The following LYPD6 variants were observed in gnomAD, a reference collection of about 807,000 sequenced individuals.
The protein encoded by LYPD6 is ly6/PLAUR domain-containing protein 6.
LYPD6 carries 15 observed loss-of-function variants against 22.7 expected under a neutral mutation model. The observed-to-expected ratio is 0.66, with a 90% CI of 0.44 to 1.02. The LOEUF (loss-of-function observed/expected upper bound fraction) is 1.02, where lower values mean the gene tolerates loss of function less well. Among genes scored for constraint, LYPD6 ranks in the 50% least tolerant of loss-of-function variants. The probability of loss-of-function intolerance (pLI) is 0.00; values close to 1 mark genes in which losing one functional copy is unlikely to be tolerated. For missense variants in LYPD6, 189 were observed against 208.4 expected, an observed-to-expected ratio of 0.91 and a Z score of 0.57; for synonymous variants, 72 against 77.5, an observed-to-expected ratio of 0.93 and a Z score of 0.37.
intron 3 of LYPD6, among the ~76,000 whole-genome samples, chr2:149,467,303 G>A (rs568718868): frequency 6.6e-6 from 1 of 152,146 alleles, no homozygotes; most frequent in Non-Finnish European, 1.5e-5. Context: ...TTAGGGGAGG[G>A]TGTTGCCACA....
chr2:149,357,785 CTTTT>C (rs530498136), intron 1 of LYPD6, among the ~76,000 whole-genome samples: 1 of 127,422 alleles, frequency 7.8e-6, no homozygotes, highest in Non-Finnish European at 1.7e-5. Context: ...CTTTTCTTTG[CTTTT>C]TTTTTTTTTT....
intron 1 of LYPD6, among the ~76,000 whole-genome samples, chr2:149,403,796 A>G (rs1367920467): frequency 6.6e-6 from 1 of 152,046 alleles, no homozygotes; most frequent in Non-Finnish European, 1.5e-5. Context: ...TTTAGACATG[A>G]AGTCCTTGCC....
the LYPD6 span, among the ~76,000 whole-genome samples, chr2:149,479,366 G>C: frequency 6.6e-6 from 1 of 152,052 alleles, no homozygotes; most frequent in Non-Finnish European, 1.5e-5. Flanking sequence ...CCAGCCATTT[G>C]TCAGTGGCTG....
chr2:149,464,888 C>T (rs1681167175), intron 3 of LYPD6, among the ~76,000 whole-genome samples: 1 of 152,084 alleles, frequency 6.6e-6, no homozygotes, highest in Non-Finnish European at 1.5e-5. Flanking sequence ...GCTGGAGGTA[C>T]AATATCCCAG....
the LYPD6 span, among the ~76,000 whole-genome samples, chr2:149,483,291 G>A: frequency 1.3e-5 from 2 of 152,212 alleles, no homozygotes; most frequent in Non-Finnish European, 2.9e-5. Flanking sequence ...CAGGAGTTGT[G>A]GGCTGCATAT....
chr2:149,426,110 G>A (rs1270330990), intron 1 of LYPD6, among the ~76,000 whole-genome samples: 2 of 152,204 alleles, frequency 1.3e-5, no homozygotes, highest in African/African-American at 2.4e-5. Flanking sequence ...CTAAGTCATT[G>A]TTTTGTTGTT....
intron 1 of LYPD6, among the ~76,000 whole-genome samples, chr2:149,430,526 T>A (rs543263989): frequency 6.6e-6 from 1 of 152,334 alleles, no homozygotes; most frequent in Non-Finnish European, 1.5e-5. Context: ...GTTTATACTT[T>A]TGGAAACTGT....
rs918031042 is a variant in LYPD6, at chr2:149,382,324, C to T, written c.-72+51602C>T. On this transcript the variant is annotated intron_variant, in intron 1 of 4. Transcript: ENST00000334166. ...CTCATACAATGCTAATTGTGCCATA[C>T]GCATAAGTAATATTGGGTTAAAATA... 3.3e-5 allele frequency among the ~76,000 whole-genome samples: 5 copies of T among 152,228 alleles called. No individual in the cohort carries two copies. The East Asian group carries it at 5.8e-4, about 18-fold the overall frequency.
intron 1 of LYPD6, among the ~76,000 whole-genome samples, chr2:149,350,591 T>C (rs943531198): frequency 6.6e-5 from 10 of 152,172 alleles, no homozygotes; most frequent in Non-Finnish European, 1.3e-4. Flanking sequence ...GAATTTTCTA[T>C]CCTATTCTTG....
At chr2:149,397,850 G>A (rs973004497) in intron 1 of LYPD6, among the ~76,000 whole-genome samples, 2 of 152,140 alleles carry the variant, frequency 1.3e-5, no homozygotes, top group Non-Finnish European at 2.9e-5. Context: ...AGTAAAAGCA[G>A]AAATAAGATA....
At chr2:149,430,366 C>T (rs1438285105) in intron 1 of LYPD6, among the ~76,000 whole-genome samples, 2 of 152,192 alleles carry the variant, frequency 1.3e-5, no homozygotes, top group Admixed American at 6.5e-5. Flanking sequence ...TCCCAAAGTG[C>T]TGGGATTACA....
intron 3 of LYPD6, among the ~76,000 whole-genome samples, chr2:149,456,565 TAAGTG>T (rs1198233708): frequency 6.6e-6 from 1 of 152,138 alleles, no homozygotes. Context: ...GAGAGGTAAT[TAAGTG>T]AGGTCATTCA....
intron 1 of LYPD6, among the ~76,000 whole-genome samples, chr2:149,364,188 C>T (rs553796391): frequency 6.7e-4 from 102 of 152,108 alleles, no homozygotes; most frequent in Non-Finnish European, 1.1e-3. Context: ...TGTTGAGTTG[C>T]AAATCCTGGG....
At chr2:149,435,448 A>T (rs1249237078) in intron 1 of LYPD6, among the ~76,000 whole-genome samples, 1 of 152,068 alleles carries the variant, frequency 6.6e-6, no homozygotes, top group East Asian at 1.9e-4. Context: ...GATTGGGAGG[A>T]GATGGGGGTA....
At chr2:149,373,587 G>A (rs918689843) in intron 1 of LYPD6, among the ~76,000 whole-genome samples, 2 of 152,108 alleles carry the variant, frequency 1.3e-5, no homozygotes, top group African/African-American at 4.8e-5. Context: ...TACAAGAAGT[G>A]GAGAGTGGTG....
At chr2:149,479,078 GAATT>G (rs1395808561), downstream of LYPD6, among the ~76,000 whole-genome samples, 1 of 152,016 alleles carries the variant, frequency 6.6e-6, no homozygotes, top group African/African-American at 2.4e-5. Flanking sequence ...TGAATTCACT[GAATT>G]CACTAATGAA....
At chr2:149,437,048 C>T (rs528895557) in intron 1 of LYPD6, among the ~76,000 whole-genome samples, 46 of 152,306 alleles carry the variant, frequency 3.0e-4, no homozygotes, top group African/African-American at 8.4e-4. Flanking sequence ...CTACCTCATA[C>T]GGTTGCTGGG....
rs538491232 is a variant in LYPD6 at position 149,423,891 on chromosome 2, A to G, written c.-71-13747A>G. On this transcript the variant is annotated intron_variant, in intron 1 of 4. Transcript: ENST00000334166. Reference sequence around the variant, plus strand: ...CTTTAATATGCTTATGTGTATTCTGACTCTTAATGCACAGTATTTCCCATG... The same window carrying G: ...CTTTAATATGCTTATGTGTATTCTGGCTCTTAATGCACAGTATTTCCCATG... Among the ~76,000 whole-genome samples the G allele has an allele frequency of 2.0e-5, 3 of 152,060 alleles. No individual in the cohort carries two copies. The East Asian group carries it at 5.8e-4, about 29-fold the overall frequency.
intron 3 of LYPD6, among the ~76,000 whole-genome samples, chr2:149,455,687 TG>T: frequency 6.6e-6 from 1 of 152,346 alleles, no homozygotes; most frequent in South Asian, 2.1e-4. Context: ...TTGCCTCAGC[TG>T]GGATGCTTCC....
Sources: gnomAD v4.1 joint callset for allele counts (sites outside exome capture counted in the v4.1 genomes callset) on GRCh38, gnomAD v4.1.1 for gene constraint, MANE v1.5 for transcripts, NCBI Gene and HGNC (gene_info 2026-07-23, HGNC 2026-07-21) for gene names.